Variants in UBE4B observed in about 807,000 individuals in gnomAD.
UBE4B encodes ubiquitin conjugation factor E4 B.
UBE4B carries 27 observed loss-of-function variants against 148.1 expected under a neutral mutation model. The observed-to-expected ratio is 0.18, with a 90% confidence interval of 0.13 to 0.25. UBE4B has a LOEUF of 0.25. Ranked by LOEUF, UBE4B falls within the 10% of genes least tolerant of loss-of-function variation. The probability of loss-of-function intolerance (pLI) is 1.00; values close to 1 mark genes in which losing one functional copy is unlikely to be tolerated. For missense variants in UBE4B, 1,170 were observed against 1,662.4 expected, an observed-to-expected ratio of 0.70 and a Z score of 5.15; for synonymous variants, 596 against 619.3, an observed-to-expected ratio of 0.96 and a Z score of 0.56.
chr1:10,103,239 T>C, intron 5 of UBE4B, 147 bp downstream of exon 5: 1 of 713,522 alleles, frequency 1.4e-6, no homozygotes, highest in Non-Finnish European at 2.2e-6. Flanking sequence ...GAGGACACAA[T>C]TGTTTAGCCA....
intron 1 of UBE4B, among the ~76,000 whole-genome samples, chr1:10,062,309 T>C (rs576751538): frequency 1.3e-5 from 2 of 152,104 alleles, no homozygotes; most frequent in East Asian, 3.9e-4. Flanking sequence ...ATTCGATGTG[T>C]GTTTTTTTGT....
chr1:10,110,237 TA>T (rs1225518787), intron 7 of UBE4B, among the ~76,000 whole-genome samples: 2 of 152,204 alleles, frequency 1.3e-5, no homozygotes, highest in Non-Finnish European at 2.9e-5. Flanking sequence ...GACATACATT[TA>T]TATGTTAAGT....
chr1:10,165,840 G>A (rs956554893), intron 23 of UBE4B, among the ~76,000 whole-genome samples: 1 of 152,112 alleles, frequency 6.6e-6, no homozygotes, highest in Middle Eastern at 3.2e-3. Flanking sequence ...CAGACTTACT[G>A]TGTGTCTGTC....
At position 10,179,556 on chromosome 1, in the gene UBE4B, G is replaced by A; in HGVS notation, c.3841G>A (p.Glu1281Lys). ...NRQTLTESML[E>K]PVPELKEQIQ... ...GCAGACGCTGACAGAGAGCATGCTGGAACCAGGTAGAGGAGGGTGCAGTTT... is the reference window on the plus strand; with the variant it reads ...GCAGACGCTGACAGAGAGCATGCTGAAACCAGGTAGAGGAGGGTGCAGTTT... The change falls in exon 27 of 28, where the codon GAA (glutamate) becomes AAA (lysine). Residue 1281 changes from glutamate (E) to lysine (K), a missense_variant. This residue lies in a region of UBE4B where 348 missense variants were observed against 627.2 expected (regional missense o/e 0.55). Transcript: ENST00000343090. 1.9e-6 allele frequency: 3 copies of A among 1,612,966 alleles called. No individual in the cohort carries two copies. The highest frequency in any genetic ancestry group is 2.5e-6 in the Non-Finnish European group (3 of 1,180,022).
intron 1 of UBE4B, among the ~76,000 whole-genome samples, chr1:10,066,632 C>T (rs965301996): frequency 3.9e-5 from 6 of 151,954 alleles, no homozygotes; most frequent in African/African-American, 1.5e-4. Context: ...ATTGGCCAGG[C>T]AGGTGGCTCA....
chr1:10,123,476 T>G (rs1421672788), intron 10 of UBE4B, among the ~76,000 whole-genome samples: 1 of 144,832 alleles, frequency 6.9e-6, no homozygotes, highest in Non-Finnish European at 1.5e-5. Flanking sequence ...AAGGTTTGAG[T>G]GATGCACTAC....
chr1:10,130,232 G>A (rs769736965), intron 12 of UBE4B, among the ~76,000 whole-genome samples: 8 of 152,030 alleles, frequency 5.3e-5, no homozygotes, highest in South Asian at 2.1e-4. Flanking sequence ...ACACCACCAC[G>A]CCCGGCTAAT....
At chr1:10,178,888 A>G in intron 26 of UBE4B, 70 bp downstream of exon 26, 1 of 1,482,106 alleles carries the variant, frequency 6.7e-7, no homozygotes, top group Non-Finnish European at 9.0e-7. Flanking sequence ...TTACAAGAGG[A>G]CGTCCTGTGC....
chr1:10,130,105 A>T (rs1165821677), intron 12 of UBE4B, among the ~76,000 whole-genome samples: 1 of 151,500 alleles, frequency 6.6e-6, no homozygotes, highest in Non-Finnish European at 1.5e-5. Context: ...ACAGAGTCTC[A>T]CTCTGTCACC....
intron 4 of UBE4B, among the ~76,000 whole-genome samples, chr1:10,102,003 A>G (rs1325253015): frequency 6.9e-6 from 1 of 145,348 alleles, no homozygotes; most frequent in African/African-American, 2.7e-5. Flanking sequence ...GTGTGTGTGT[A>G]TTAATATAGA....
At chr1:10,175,605 C>G (rs932647795) in intron 25 of UBE4B, among the ~76,000 whole-genome samples, 3 of 151,928 alleles carry the variant, frequency 2.0e-5, no homozygotes, top group Admixed American at 6.6e-5. Flanking sequence ...GAGCCGAGAT[C>G]GCGCCACTGC....
chr1:10,174,189 T>A (rs1028446724), intron 25 of UBE4B, among the ~76,000 whole-genome samples: 16 of 149,894 alleles, frequency 1.1e-4, no homozygotes, highest in Admixed American at 3.3e-4. Context: ...AGGTCAGGAG[T>A]TCGAGACCAG....
At chr1:10,099,403 A>G (rs1435461450) in intron 3 of UBE4B, among the ~76,000 whole-genome samples, 3 of 152,242 alleles carry the variant, frequency 2.0e-5, no homozygotes, top group African/African-American at 7.2e-5. Flanking sequence ...ATTAAAAAGT[A>G]TTAACATATG....
intron 1 of UBE4B, among the ~76,000 whole-genome samples, chr1:10,049,078 G>A (rs1241759895): frequency 6.6e-6 from 1 of 152,164 alleles, no homozygotes; most frequent in East Asian, 1.9e-4. Flanking sequence ...ACATAATATG[G>A]GGAACATTGG....
chr1:10,040,318 C>T (rs1570760895), intron 1 of UBE4B, among the ~76,000 whole-genome samples: 1 of 151,928 alleles, frequency 6.6e-6, no homozygotes, highest in African/African-American at 2.4e-5. Context: ...CCATATTGGC[C>T]AGGCTGGTCT....
At chr1:10,144,369 A>G (rs183191176) in intron 17 of UBE4B, among the ~76,000 whole-genome samples, 1 of 152,342 alleles carries the variant, frequency 6.6e-6, no homozygotes, top group East Asian at 1.9e-4. Context: ...TTGCAACAAA[A>G]AAGATGATTA....
Position 10,039,369 on chromosome 1 carries a change from G to A in UBE4B, c.24+5675G>A, listed in dbSNP as rs547715457. ...GACTGGAGAGGTGGGTTTTACCTCG[G>A]GTGTGTGGCAGGTACCTGATCTTGG... On this transcript the variant is annotated intron_variant, in intron 1 of 27. Coordinates refer to ENST00000343090, the MANE Select transcript of UBE4B (RefSeq NM_001105562.3). Among the ~76,000 whole-genome samples, 4 of 152,180 alleles carry A rather than the reference G, an allele frequency of 2.6e-5. 1 individual carries two copies. In the South Asian group the frequency reaches 8.3e-4, roughly 32 times the overall value.
chr1:10,075,508 G>T (rs1644561927), intron 2 of UBE4B, among the ~76,000 whole-genome samples: 1 of 152,230 alleles, frequency 6.6e-6, no homozygotes, highest in African/African-American at 2.4e-5. Flanking sequence ...GCAACACTGT[G>T]TAACAGCCCA....
At chr1:10,102,833 C>A in intron 4 of UBE4B, 115 bp from the exon 5 acceptor site, 2 of 1,148,642 alleles carry the variant, frequency 1.7e-6, no homozygotes, top group Non-Finnish European at 2.4e-6. Flanking sequence ...TGGTTTCATG[C>A]ATTTTTAAAA....
Sources: gnomAD v4.1 joint callset for allele counts (sites outside exome capture counted in the v4.1 genomes callset) on GRCh38, gnomAD v4.1.1 for gene constraint, gnomAD v4.1.1 regional missense constraint, MANE v1.5 for transcripts, NCBI Gene and HGNC (gene_info 2026-07-23, HGNC 2026-07-21) for gene names.